TNR: variants seen among roughly 807,000 people sequenced by gnomAD.
TNR encodes tenascin R, also known as tenascin-R.
TNR carries 45 observed loss-of-function variants against 150.4 expected under a neutral mutation model. The ratio of observed to expected loss-of-function variants is 0.30; its 90% CI spans 0.24 to 0.38. TNR has a LOEUF of 0.38. Among genes scored for constraint, TNR ranks in the 10% least tolerant of loss-of-function variants. The pLI, the probability that TNR is intolerant of heterozygous loss-of-function variation, is 1.00. For synonymous variants in TNR, 687 were observed against 678.4 expected, an observed-to-expected ratio of 1.01 and a Z score of -0.20; for missense variants, 1,544 against 1,759.1, an observed-to-expected ratio of 0.88 and a Z score of 2.19.
At chr1:175,345,032 C>T (rs1317306831) in intron 18 of TNR, among the ~76,000 whole-genome samples, 3 of 151,722 alleles carry the variant, frequency 2.0e-5, no homozygotes, top group East Asian at 1.9e-4. Flanking sequence ...CTCTTGAACC[C>T]GGGAGACGGA....
chr1:175,404,288 T>A (rs1653852206), intron 3 of TNR, among the ~76,000 whole-genome samples: 1 of 152,124 alleles, frequency 6.6e-6, no homozygotes, highest in African/African-American at 2.4e-5. Context: ...GTCTTATGTG[T>A]TACAAACCTG....
chr1:175,422,552 G>A (rs1654801285), intron 2 of TNR, among the ~76,000 whole-genome samples: 1 of 152,192 alleles, frequency 6.6e-6, no homozygotes, highest in African/African-American at 2.4e-5. Flanking sequence ...AGAGGGCTGG[G>A]ACCCACTGTC....
At chr1:175,416,006 G>A (rs1654422917) in intron 2 of TNR, among the ~76,000 whole-genome samples, 1 of 152,066 alleles carries the variant, frequency 6.6e-6, no homozygotes, top group South Asian at 2.1e-4. Context: ...TAAATTTTAT[G>A]ATGCATGGAC....
intron 1 of TNR, among the ~76,000 whole-genome samples, chr1:175,679,024 C>T (rs920133631): frequency 2.0e-5 from 3 of 152,240 alleles, no homozygotes; most frequent in African/African-American, 7.2e-5. Flanking sequence ...CAGGTGGGCA[C>T]AGTTCTGCCA....
chr1:175,321,556 G>C lies in TNR; in HGVS notation c.*1801C>G, dbSNP rs1649053489. 1 of 152,656 alleles carries C rather than the reference G, an allele frequency of 6.6e-6. No homozygotes were observed. The highest frequency in any genetic ancestry group is 2.1e-4 in the South Asian group (1 of 4,834). The allele number at this position is 152,656 out of a possible 1,614,324, so 9.5% of individuals were successfully genotyped here. ...GAGAGGAAAGGGAGAAGACAGCTCA[G>C]GGAACTGGGCATGGATCTGGGCAGA... On this transcript the variant is annotated 3_prime_UTR_variant, in exon 23 of 23. Coordinates refer to ENST00000367674, the MANE Select transcript of TNR (RefSeq NM_003285.3).
chr1:175,502,282 G>A (rs1464099625), intron 2 of TNR, among the ~76,000 whole-genome samples: 3 of 152,178 alleles, frequency 2.0e-5, no homozygotes, highest in Non-Finnish European at 4.4e-5. Flanking sequence ...TGTGCAGAAT[G>A]CTGGAGTGCT....
chr1:175,567,459 C>T (rs918257269), intron 1 of TNR, among the ~76,000 whole-genome samples: 2 of 152,146 alleles, frequency 1.3e-5, no homozygotes, highest in African/African-American at 2.4e-5. Context: ...GAACCTTGTG[C>T]CATCCCCCAA....
At chr1:175,473,822 CAT>C (rs1657405635) in intron 2 of TNR, among the ~76,000 whole-genome samples, 1 of 152,198 alleles carries the variant, frequency 6.6e-6, no homozygotes, top group Non-Finnish European at 1.5e-5. Flanking sequence ...GGCAGCTTAA[CAT>C]GCATTTCTGT....
chr1:175,535,308 A>G (rs1660230445), intron 1 of TNR, among the ~76,000 whole-genome samples: 1 of 152,230 alleles, frequency 6.6e-6, no homozygotes, highest in African/African-American at 2.4e-5. Context: ...TGCATGAAAA[A>G]TAGATTAGCA....
At chr1:175,587,716 A>G (rs1558023276) in intron 1 of TNR, among the ~76,000 whole-genome samples, 1 of 152,234 alleles carries the variant, frequency 6.6e-6, no homozygotes, top group East Asian at 1.9e-4. Flanking sequence ...TTTTAATTTA[A>G]TAGTTCAGGG....
intron 1 of TNR, among the ~76,000 whole-genome samples, chr1:175,558,893 T>C (rs4652097): frequency 0.67 from 101,452 of 151,902 alleles, 34,030 homozygotes; most frequent in Admixed American, 0.74. Context: ...AAAATATGTA[T>C]ACCAAGAGCG....
intron 2 of TNR, among the ~76,000 whole-genome samples, chr1:175,513,942 G>A (rs915423467): frequency 2.0e-5 from 3 of 152,168 alleles, no homozygotes; most frequent in Admixed American, 6.5e-5. Flanking sequence ...AAGCTTCCAG[G>A]TGACTCTGAT....
chr1:175,711,273 T>C (rs1667006622), intron 1 of TNR, among the ~76,000 whole-genome samples: 1 of 152,056 alleles, frequency 6.6e-6, no homozygotes, highest in South Asian at 2.1e-4. Flanking sequence ...AAGGTGCCAT[T>C]TGAGCAAGAC....
intron 1 of TNR, among the ~76,000 whole-genome samples, chr1:175,532,120 C>G (rs980906027): frequency 6.6e-6 from 1 of 152,212 alleles, no homozygotes; most frequent in South Asian, 2.1e-4. Context: ...CCAGTATAAA[C>G]CTTGTTGCTT....
chr1:175,525,600 A>G (rs1659816158), intron 2 of TNR, among the ~76,000 whole-genome samples: 1 of 152,234 alleles, frequency 6.6e-6, no homozygotes, highest in African/African-American at 2.4e-5. Flanking sequence ...CCAGTGCAGG[A>G]AAAGTGGGTT....
Position 175,366,048 on chromosome 1 carries a change from T to A in TNR, c.2144A>T (p.His715Leu), listed in dbSNP as rs1651825665. 1 of 1,613,992 alleles carries A rather than the reference T, an allele frequency of 6.2e-7. No homozygotes were observed. Among genetic ancestry groups the A allele is most frequent in the African/African-American group, 1.3e-5 (1 of 74,908 alleles). Residue 715 changes from histidine (H) to leucine (L), a missense_variant, in exon 11 of 23, where the codon CAC becomes CTC. By Grantham distance (99) the His-to-Leu change is moderately conservative. Coordinates refer to ENST00000367674, the MANE Select transcript of TNR (RefSeq NM_003285.3). ...IWTKASGPID[H>L]YRITFTPSSG... The stretch of plus-strand genomic sequence containing the variant: ...GGATGGGGTAAAGGTAATTCGGTAG[T>A]GGTCAATGGGGCCACTGGCCTTGGT...
Position 175,417,071 on chromosome 1 carries a change from G to GAAATAAATAAATAAAT in TNR, c.-63-10295_-63-10294insATTTATTTATTTATTT, listed in dbSNP as rs1236322486. Among the ~76,000 whole-genome samples, 6 of 119,820 alleles carry GAAATAAATAAATAAAT rather than the reference G, an allele frequency of 5.0e-5. No individual in the cohort carries two copies. In the East Asian group the frequency reaches 1.4e-3, roughly 27 times the overall value. The allele number at this position is 119,820 out of a possible 152,430, so 78.6% of individuals were successfully genotyped here. A position where few individuals can be genotyped will look rare whatever the true frequency, so the allele number is the denominator to read the frequency against. ...AGAAAGAAAGAAAGAAAGAAAGAAA[G>GAAATAAATAAATAAAT]AAAGAAATCTAAGAAGTGGTCTCTT... On this transcript the variant is annotated intron_variant, in intron 2 of 22. Coordinates refer to ENST00000367674, the MANE Select transcript of TNR (RefSeq NM_003285.3).
At chr1:175,609,835 G>A (rs1663535288) in intron 1 of TNR, among the ~76,000 whole-genome samples, 1 of 152,154 alleles carries the variant, frequency 6.6e-6, no homozygotes, top group East Asian at 1.9e-4. Flanking sequence ...AGAAGGACAA[G>A]AACAGAGATG....
At chr1:175,649,722 A>C (rs1015171640) in intron 1 of TNR, among the ~76,000 whole-genome samples, 1 of 152,016 alleles carries the variant, frequency 6.6e-6, no homozygotes, top group Non-Finnish European at 1.5e-5. Flanking sequence ...CTGCCATCCC[A>C]TGGCCTCCTT....
Sources: gnomAD v4.1 joint callset for allele counts (sites outside exome capture counted in the v4.1 genomes callset) on GRCh38, gnomAD v4.1.1 for gene constraint, MANE v1.5 for transcripts, NCBI Gene and HGNC (gene_info 2026-07-23, HGNC 2026-07-21) for gene names.